Variants in PCOLCE2 observed in about 807,000 individuals in gnomAD.
PCOLCE2 encodes the protein procollagen C-endopeptidase enhancer 2.
PCOLCE2 carries 42 observed loss-of-function variants against 47.0 expected under a neutral mutation model. That is an observed-to-expected ratio of 0.89 (90% CI 0.70 to 1.16). PCOLCE2 has a LOEUF of 1.16. Ranked by LOEUF, PCOLCE2 falls within the 50% of genes most tolerant of loss-of-function variation. PCOLCE2 has a pLI of 0.00. For synonymous variants in PCOLCE2, 169 were observed against 191.7 expected (o/e 0.88, Z 0.98); for missense variants, 500 against 526.1 (o/e 0.95, Z 0.49).
At chr3:142,831,273 AT>A (rs1937148408) in intron 5 of PCOLCE2, among the ~76,000 whole-genome samples, 1 of 152,204 alleles carries the variant, frequency 6.6e-6, no homozygotes, top group South Asian at 2.1e-4. Context: ...TTAATGGGCA[AT>A]CACGGGAGTG....
chr3:142,818,418 T>C lies in PCOLCE2; in HGVS notation c.1165A>G (p.Lys389Glu). 1.2e-6 allele frequency: 2 copies of C among 1,613,404 alleles called. No homozygotes were observed. Among genetic ancestry groups the C allele is most frequent in the South Asian group, 1.1e-5 (1 of 91,030 alleles). The change falls in exon 9 of 9, where the codon AAA becomes GAA. Residue 389 changes from lysine to glutamate, a missense_variant. Lys to Glu is a moderately conservative substitution (Grantham distance 56). Coordinates refer to ENST00000295992, the MANE Select transcript of PCOLCE2 (RefSeq NM_013363.4). ...MGQVGEDGRG[K>E]IMPNSFIMMF... ...ATGATAAAGCTGTTTGGCATGATTT[T>C]GCCTCGCCCATCTTCACCTACTTGG...
intron 6 of PCOLCE2, among the ~76,000 whole-genome samples, chr3:142,826,403 T>C (rs913731293): frequency 6.6e-6 from 1 of 152,160 alleles, no homozygotes; most frequent in Non-Finnish European, 1.5e-5. Flanking sequence ...ATCTCTCTTC[T>C]TTTCCTCCTC....
intron 7 of PCOLCE2, among the ~76,000 whole-genome samples, chr3:142,822,908 C>T (rs531163397): frequency 6.6e-6 from 1 of 152,270 alleles, no homozygotes; most frequent in South Asian, 2.1e-4. Flanking sequence ...CCTTTAAAGC[C>T]ACTGAAAAAA....
At chr3:142,883,194 G>A (rs1207715424) in intron 2 of PCOLCE2, among the ~76,000 whole-genome samples, 6 of 81,408 alleles carry the variant, frequency 7.4e-5, no homozygotes, top group Admixed American at 1.6e-4. Flanking sequence ...GCGAGACTCC[G>A]TCTCAAAAAA....
chr3:142,867,716 C>T (rs1933312885), intron 2 of PCOLCE2, among the ~76,000 whole-genome samples: 1 of 152,130 alleles, frequency 6.6e-6, no homozygotes, highest in African/African-American at 2.4e-5. Context: ...ACTGATGATA[C>T]CAAATATCAG....
At chr3:142,872,431 C>T (rs1223734461) in intron 2 of PCOLCE2, among the ~76,000 whole-genome samples, 1 of 152,128 alleles carries the variant, frequency 6.6e-6, no homozygotes, top group Non-Finnish European at 1.5e-5. Context: ...GCTTCTACAA[C>T]CTCCTGCTTG....
intron 6 of PCOLCE2, chr3:142,827,714 G>T: frequency 1.1e-6 from 1 of 942,310 alleles, no homozygotes; most frequent in South Asian, 1.4e-5. Context: ...GCTGTGACCC[G>T]AGTTGTGGAT....
intron 6 of PCOLCE2, among the ~76,000 whole-genome samples, chr3:142,825,353 T>C (rs1009402280): frequency 6.6e-6 from 1 of 152,032 alleles, no homozygotes; most frequent in Non-Finnish European, 1.5e-5. Flanking sequence ...CCCCTCCTCA[T>C]CTTAACTGTC....
At chr3:142,860,321 A>C (rs1050053282) in intron 2 of PCOLCE2, among the ~76,000 whole-genome samples, 3 of 152,196 alleles carry the variant, frequency 2.0e-5, no homozygotes, top group African/African-American at 4.8e-5. Context: ...AATTCTGGTT[A>C]AATCCATATT....
At chr3:142,879,791 A>C (rs1933568620) in intron 2 of PCOLCE2, among the ~76,000 whole-genome samples, 1 of 151,436 alleles carries the variant, frequency 6.6e-6, no homozygotes, top group African/African-American at 2.4e-5. Flanking sequence ...AACACGGTGA[A>C]ACCCCGCCTC....
chr3:142,887,991 T>A (rs1410055558), intron 1 of PCOLCE2, among the ~76,000 whole-genome samples: 1 of 152,178 alleles, frequency 6.6e-6, no homozygotes, highest in East Asian at 1.9e-4. Context: ...TCTGTCTCCA[T>A]CATAATAACA....
intron 2 of PCOLCE2, among the ~76,000 whole-genome samples, chr3:142,867,733 G>A (rs980860077): frequency 1.4e-4 from 22 of 152,158 alleles, no homozygotes; most frequent in African/African-American, 3.6e-4. Context: ...TCAGAAGGTG[G>A]GGCAAACAGA....
intron 2 of PCOLCE2, among the ~76,000 whole-genome samples, chr3:142,874,511 A>C (rs1016865165): frequency 2.6e-5 from 4 of 152,208 alleles, no homozygotes; most frequent in African/African-American, 9.6e-5. Context: ...GAGTCAATTA[A>C]AACTCTTTTC....
intron 2 of PCOLCE2, among the ~76,000 whole-genome samples, chr3:142,857,827 T>C (rs1578042881): frequency 6.6e-6 from 1 of 152,176 alleles, no homozygotes; most frequent in African/African-American, 2.4e-5. Flanking sequence ...TCCTATTACC[T>C]GCAGAATGAA....
intron 2 of PCOLCE2, among the ~76,000 whole-genome samples, chr3:142,882,603 G>T (rs894288063): frequency 6.6e-6 from 1 of 151,212 alleles, no homozygotes; most frequent in East Asian, 1.9e-4. Flanking sequence ...TAGAGAAGAG[G>T]TCTCACTCTG....
intron 2 of PCOLCE2, among the ~76,000 whole-genome samples, chr3:142,873,998 G>C (rs147149671): frequency 0.012 from 1,842 of 152,166 alleles, 35 homozygotes; most frequent in African/African-American, 0.041. Context: ...CCTGGTGGGA[G>C]GTGACTGGAT....
chr3:142,820,371 T>C (rs1936999691), intron 8 of PCOLCE2, among the ~76,000 whole-genome samples: 1 of 152,204 alleles, frequency 6.6e-6, no homozygotes, highest in Non-Finnish European at 1.5e-5. Context: ...TAAATACATA[T>C]TCTTAAAAAG....
chr3:142,843,414 T>A, intron 3 of PCOLCE2: 2 of 404,312 alleles, frequency 4.9e-6, no homozygotes, highest in South Asian at 3.8e-5. Flanking sequence ...TGGTATTTAG[T>A]AAACACCCAG....
chr3:142,827,704 G>A (rs796971700), intron 6 of PCOLCE2: 115 of 1,023,476 alleles, frequency 1.1e-4, no homozygotes, highest in Admixed American at 1.0e-3. Flanking sequence ...GGAGGGGCGC[G>A]CTGTGACCCG....
Sources: gnomAD v4.1 joint callset for allele counts (sites outside exome capture counted in the v4.1 genomes callset) on GRCh38, gnomAD v4.1.1 for gene constraint, MANE v1.5 for transcripts, NCBI Gene and HGNC (gene_info 2026-07-23, HGNC 2026-07-21) for gene names.